ORC1: variants seen among roughly 807,000 people sequenced by gnomAD.
ORC1 encodes origin recognition complex, subunit 1 homolog.
ORC1 carries 61 observed loss-of-function variants against 98.9 expected under a neutral mutation model. That is an observed-to-expected ratio of 0.62 (90% confidence interval 0.50 to 0.76). The LOEUF is 0.76. Among genes scored for constraint, ORC1 ranks in the 30% least tolerant of loss-of-function variants. The pLI is 0.00. For synonymous variants in ORC1, 385 were observed against 406.9 expected, an observed-to-expected ratio of 0.95 and a Z score of 0.65; for missense variants, 979 against 1,072.2, an observed-to-expected ratio of 0.91 and a Z score of 1.21.
chr1:52,408,614 T>C (rs1160715757), upstream of ORC1: 1 of 1,614,134 alleles, frequency 6.2e-7, no homozygotes, highest in Non-Finnish European at 8.5e-7. Context: ...TGACAGGCAC[T>C]GCAATTGATT....
intron 5 of ORC1, 85 bp from the exon 6 acceptor site, chr1:52,393,888 A>G (rs1647286495): frequency 7.2e-7 from 1 of 1,394,758 alleles, no homozygotes; most frequent in African/African-American, 1.4e-5. Flanking sequence ...TCAGCCACTG[A>G]GTTATATGTA....
At chr1:52,405,688 G>A (rs1261518888), upstream of ORC1, 1 of 1,613,050 alleles carries the variant, frequency 6.2e-7, no homozygotes, top group South Asian at 1.1e-5. Flanking sequence ...AGCTGAACTT[G>A]TAGTCGATAA....
chr1:52,404,568 A>C, upstream of ORC1: 1 of 569,810 alleles, frequency 1.8e-6, no homozygotes, highest in Non-Finnish European at 3.0e-6. Context: ...GCCATCATTG[A>C]TTCGATAGGC....
chr1:52,405,565 T>C (rs2147952938), upstream of ORC1: 3 of 898,756 alleles, frequency 3.3e-6, no homozygotes, highest in Non-Finnish European at 5.3e-6. Flanking sequence ...ACACATTCGT[T>C]CTCCTAATAT....
chr1:52,384,773 G>A (rs767074325), intron 10 of ORC1, 52 bp from the exon 11 acceptor site: 19 of 1,455,556 alleles, frequency 1.3e-5, no homozygotes, highest in South Asian at 8.2e-5. Context: ...GCCACTACAC[G>A]TTATAATCAG....
chr1:52,405,101 G>A (rs1019251698), upstream of ORC1, among the ~76,000 whole-genome samples: 5 of 152,214 alleles, frequency 3.3e-5, no homozygotes, highest in African/African-American at 1.2e-4. Context: ...GTCTCAGTTG[G>A]GTGTTGTGAG....
intron 1 of ORC1, among the ~76,000 whole-genome samples, chr1:52,403,238 A>T (rs1250878416): frequency 1.3e-5 from 2 of 152,254 alleles, no homozygotes; most frequent in African/African-American, 4.8e-5. Flanking sequence ...GCCAGGCACT[A>T]TTTTAGGATA....
At chr1:52,379,079 T>C (rs1403963975) in intron 14 of ORC1, among the ~76,000 whole-genome samples, 2 of 151,726 alleles carry the variant, frequency 1.3e-5, no homozygotes, top group Non-Finnish European at 1.5e-5. Flanking sequence ...TAGAAAGACA[T>C]GGAAGAGTAG....
chr1:52,396,062 C>T lies in ORC1; in HGVS notation c.705G>A (p.Lys235=), dbSNP rs754195279. ...ACAACTTACTGCCAAGCTCCAGCCT[C>T]TTTCTGGCTCTTGGGGTAAGAGGAT... ...PTHPLTPRAR[K]RLELGNLGNP... is the part of the protein sequence containing the mutation. Residue 235 remains lysine (K), a synonymous_variant, in exon 5 of 17, where the codon AAG becomes AAA. Coordinates refer to ENST00000371568, the MANE Select transcript of ORC1 (RefSeq NM_004153.4). The T allele has an allele frequency of 6.2e-6, 10 of 1,614,194 alleles. No individual in the cohort carries two copies. Among genetic ancestry groups the T allele is most frequent in the Middle Eastern group, 1.6e-4 (1 of 6,062 alleles).
At chr1:52,385,302 G>A in intron 9 of ORC1, 40 bp from the exon 10 acceptor site, 1 of 1,274,528 alleles carries the variant, frequency 7.8e-7, no homozygotes, top group African/African-American at 1.5e-5. Context: ...AAGACTTTAG[G>A]AACATTCCCC....
In ORC1 at chr1:52,385,166, G is replaced by C; in HGVS notation, c.1578C>G (p.Thr526=). Residue 526 remains threonine, a synonymous_variant, in exon 10 of 17, where the codon ACC becomes ACG. Coordinates refer to ENST00000371568, the MANE Select transcript of ORC1 (RefSeq NM_004153.4). ...GCCTGCCTCACATGACTCACCCTCC[G>C]GTATGGTCAAGGAGTTTGCTTTCCA... is the stretch of plus-strand genomic sequence containing the variant. ...NFVESKLLDH[T]GGCMYISGVP... The C allele has an allele frequency of 1.2e-6, 2 of 1,606,462 alleles. No homozygotes were observed. The highest frequency in any genetic ancestry group is 1.1e-5 in the South Asian group (1 of 90,916).
chr1:52,406,049 T>C (rs1647980205), upstream of ORC1, among the ~76,000 whole-genome samples: 1 of 152,146 alleles, frequency 6.6e-6, no homozygotes, highest in South Asian at 2.1e-4. Flanking sequence ...AGTGCAGTGG[T>C]GCGATCTCGG....
At chr1:52,373,443 T>G in intron 16 of ORC1, 68 bp from the exon 17 acceptor site, 1 of 1,409,014 alleles carries the variant, frequency 7.1e-7, no homozygotes, top group Non-Finnish European at 9.9e-7. Flanking sequence ...GTTCCTTTCT[T>G]TCTTCATTTG....
intron 14 of ORC1, among the ~76,000 whole-genome samples, chr1:52,376,890 T>C (rs1006511731): frequency 2.0e-5 from 3 of 152,138 alleles, no homozygotes; most frequent in African/African-American, 7.2e-5. Flanking sequence ...TGCAGGCACC[T>C]GAAACTTGAC....
intron 14 of ORC1, among the ~76,000 whole-genome samples, chr1:52,380,207 C>T (rs1326413119): frequency 6.6e-6 from 1 of 152,184 alleles, no homozygotes; most frequent in Non-Finnish European, 1.5e-5. Context: ...CTGGCCCACT[C>T]AGATCATCCC....
upstream of ORC1, chr1:52,404,847 A>C: frequency 6.2e-7 from 1 of 1,614,240 alleles, no homozygotes; most frequent in Non-Finnish European, 8.5e-7. Flanking sequence ...TATGAGTCCA[A>C]GTACTGGAAA....
intron 4 of ORC1, 90 bp from the exon 5 acceptor site, chr1:52,396,454 A>G: frequency 1.3e-6 from 2 of 1,507,612 alleles, no homozygotes; most frequent in Non-Finnish European, 1.8e-6. Context: ...AAAACATTGA[A>G]GTCCACATCT....
chr1:52,375,064 T>C (rs1235157718), intron 15 of ORC1, among the ~76,000 whole-genome samples, 167 bp from the exon 16 acceptor site: 2 of 152,106 alleles, frequency 1.3e-5, no homozygotes, highest in African/African-American at 4.8e-5. Flanking sequence ...CTCAAACTGA[T>C]ACAGAAAATG....
Position 52,401,501 on chromosome 1 carries a change from C to G in ORC1, c.96-12G>C. ...TCACACACATTTCTCTAGGAAGTAA[C>G]AGAGAAGCACATTAGGAAATAACTT... is the stretch of plus-strand genomic sequence containing the variant. On this transcript the variant is annotated splice_polypyrimidine_tract_variant and intron_variant, in intron 2 of 16. Transcript: ENST00000371568. The G allele has an allele frequency of 6.2e-7, 1 of 1,613,740 alleles. No individual in the cohort carries two copies. The highest frequency in any genetic ancestry group is 8.5e-7 in the Non-Finnish European group (1 of 1,179,958).
Sources: gnomAD v4.1 joint callset for allele counts (sites outside exome capture counted in the v4.1 genomes callset) on GRCh38, gnomAD v4.1.1 for gene constraint, MANE v1.5 for transcripts, NCBI Gene and HGNC (gene_info 2026-07-23, HGNC 2026-07-21) for gene names.